Variants in ARHGAP26 observed in about 807,000 individuals in gnomAD.
ARHGAP26 encodes the protein Rho GTPase activating protein 26.
A neutral mutation model predicts 104.8 loss-of-function variants in ARHGAP26; 38 were observed. The observed-to-expected ratio is 0.36, with a 90% CI of 0.28 to 0.48. The LOEUF is 0.48. ARHGAP26 is among the 20% of genes least tolerant of loss of function. The pLI is 0.99. For synonymous variants in ARHGAP26, 341 were observed against 340.0 expected, an observed-to-expected ratio of 1.00 and a Z score of -0.03; for missense variants, 704 against 947.9, an observed-to-expected ratio of 0.74 and a Z score of 3.38.
At chr5:143,030,210 C>CGG (rs1213485979) in intron 12 of ARHGAP26, among the ~76,000 whole-genome samples, 8 of 152,184 alleles carry the variant, frequency 5.3e-5, no homozygotes, top group Admixed American at 4.6e-4. Flanking sequence ...TCAGGTCTCA[C>CGG]GGGTAGCATG....
intron 14 of ARHGAP26, among the ~76,000 whole-genome samples, chr5:143,053,321 GT>G (rs1235318422): frequency 1.3e-5 from 2 of 152,090 alleles, no homozygotes; most frequent in Non-Finnish European, 2.9e-5. Flanking sequence ...TAAGAAAAGG[GT>G]TGCTCTCCAA....
At chr5:142,854,705 A>G (rs758955778) in intron 1 of ARHGAP26, among the ~76,000 whole-genome samples, 1 of 152,186 alleles carries the variant, frequency 6.6e-6, no homozygotes, top group East Asian at 1.9e-4. Flanking sequence ...TTCGTTACTG[A>G]TATGAGACCG....
chr5:142,963,190 A>ATATATG (rs1770658757), intron 11 of ARHGAP26, among the ~76,000 whole-genome samples: 2 of 100,504 alleles, frequency 2.0e-5, no homozygotes, highest in African/African-American at 1.4e-4. Context: ...ATATATATAT[A>ATATATG]TATATATATG....
intron 20 of ARHGAP26, among the ~76,000 whole-genome samples, chr5:143,148,202 T>C (rs1267696820): frequency 6.6e-6 from 1 of 152,124 alleles, no homozygotes; most frequent in African/African-American, 2.4e-5. Context: ...TAAGTGAAAA[T>C]ACATTGAGGT....
chr5:142,864,792 T>G (rs528640372), intron 1 of ARHGAP26, among the ~76,000 whole-genome samples: 2 of 152,192 alleles, frequency 1.3e-5, no homozygotes, highest in South Asian at 4.1e-4. Context: ...AGGTACATAC[T>G]GTCCTCACAG....
Position 142,851,755 on chromosome 5 carries a change from T to C in ARHGAP26, c.155-21645T>C, listed in dbSNP as rs545085871. ...CACGTGCTGGCCTTTAGTTGCTGTG[T>C]TTTCTCCAGCCACATGGTCTTGTGC... On this transcript the variant is annotated intron_variant, in intron 1 of 22. Coordinates refer to ENST00000645722, the MANE Select transcript of ARHGAP26 (RefSeq NM_001135608.3). Among the ~76,000 whole-genome samples the C allele has an allele frequency of 1.4e-4, 21 of 152,352 alleles. 1 individual carries two copies. In the South Asian group the frequency reaches 3.5e-3, roughly 26 times the overall value.
chr5:143,188,764 TA>T (rs1215507355), intron 20 of ARHGAP26, among the ~76,000 whole-genome samples: 4 of 152,176 alleles, frequency 2.6e-5, no homozygotes, highest in African/African-American at 9.7e-5. Context: ...TTAACATAAA[TA>T]TACTGACAAA....
chr5:142,932,277 T>C, intron 11 of ARHGAP26, 152 bp downstream of exon 11: 2 of 672,792 alleles, frequency 3.0e-6, no homozygotes. Context: ...TTTATGTTTG[T>C]GGATATTGAT....
At chr5:142,988,705 G>A (rs1775144820) in intron 11 of ARHGAP26, among the ~76,000 whole-genome samples, 1 of 152,048 alleles carries the variant, frequency 6.6e-6, no homozygotes, top group South Asian at 2.1e-4. Context: ...TGTTCTCATT[G>A]GTTTCAAAGA....
chr5:142,990,863 G>A (rs192643863), intron 11 of ARHGAP26, among the ~76,000 whole-genome samples: 2 of 152,294 alleles, frequency 1.3e-5, no homozygotes, highest in African/African-American at 2.4e-5. Context: ...TCAGTTGTCA[G>A]TCGGCCCCTA....
chr5:143,099,455 T>C (rs1792897890), intron 17 of ARHGAP26, among the ~76,000 whole-genome samples: 1 of 152,178 alleles, frequency 6.6e-6, no homozygotes, highest in Non-Finnish European at 1.5e-5. Context: ...CAGGGATCCT[T>C]GACAGGCCTC....
chr5:143,159,144 C>T (rs998733770), intron 20 of ARHGAP26, among the ~76,000 whole-genome samples: 3 of 152,172 alleles, frequency 2.0e-5, no homozygotes, highest in Non-Finnish European at 4.4e-5. Context: ...GGAGCAGTGA[C>T]CTTCAGTCAA....
chr5:143,058,263 C>G (rs762539815), intron 17 of ARHGAP26: 4 of 246,472 alleles, frequency 1.6e-5, no homozygotes, highest in Non-Finnish European at 2.4e-5. Flanking sequence ...AATAGACTCC[C>G]CTTTTTCTAC....
At chr5:142,823,469 T>C (rs1393915396) in intron 1 of ARHGAP26, among the ~76,000 whole-genome samples, 1 of 152,182 alleles carries the variant, frequency 6.6e-6, no homozygotes, top group Non-Finnish European at 1.5e-5. Flanking sequence ...CTTCTCCCAT[T>C]GTCCACCCTA....
intron 20 of ARHGAP26, among the ~76,000 whole-genome samples, chr5:143,191,492 A>G (rs1402826850): frequency 6.6e-6 from 1 of 152,230 alleles, no homozygotes; most frequent in Non-Finnish European, 1.5e-5. Flanking sequence ...TGACACTGAG[A>G]TAGCTGAAAT....
At chr5:142,794,842 GTTCT>G (rs1190759150) in intron 1 of ARHGAP26, among the ~76,000 whole-genome samples, 2 of 152,184 alleles carry the variant, frequency 1.3e-5, no homozygotes, top group African/African-American at 4.8e-5. Flanking sequence ...ACGAGAGCTA[GTTCT>G]TTATCTTCCA....
rs865785798 is a variant in ARHGAP26, at chr5:143,153,326, A to G, written c.1988+5945A>G. On this transcript the variant is annotated intron_variant, in intron 20 of 22. Transcript: ENST00000645722. ...ATGATACTGGTCTCTGGACCTGAGC[A>G]TGCCCACTACCACCATCTTCCACTG... is the stretch of plus-strand genomic sequence containing the variant. Among the ~76,000 whole-genome samples, 2 of 152,160 alleles carry G rather than the reference A, an allele frequency of 1.3e-5. 1 individual carries two copies. The highest frequency in any genetic ancestry group is 4.2e-4 in the South Asian group (2 of 4,818).
intron 22 of ARHGAP26, among the ~76,000 whole-genome samples, chr5:143,218,920 G>A (rs1810762359): frequency 6.6e-6 from 1 of 152,162 alleles, no homozygotes; most frequent in Non-Finnish European, 1.5e-5. Flanking sequence ...ATTTAATTTT[G>A]GCCAAGATGC....
chr5:143,212,203 C>T lies in ARHGAP26; in HGVS notation c.2100-1794C>T, dbSNP rs530298714. Among the ~76,000 whole-genome samples, 5 of 152,288 alleles carry T rather than the reference C, an allele frequency of 3.3e-5. 1 individual carries two copies. Among genetic ancestry groups the T allele is most frequent in the South Asian group, 4.1e-4 (2 of 4,820 alleles). ...GAAATACTGCCTCAAAACCTGGTCT[C>T]TGAGACCCTGGCTAATGTGAACTGG... On this transcript the variant is annotated intron_variant, in intron 21 of 22. Transcript: ENST00000645722.
Sources: gnomAD v4.1 joint callset for allele counts (sites outside exome capture counted in the v4.1 genomes callset) on GRCh38, gnomAD v4.1.1 for gene constraint, MANE v1.5 for transcripts, NCBI Gene and HGNC (gene_info 2026-07-23, HGNC 2026-07-21) for gene names.